Variants in MYCBP2 observed in about 807,000 individuals in gnomAD.
The protein encoded by MYCBP2 is E3 ubiquitin-protein ligase MYCBP2.
MYCBP2 carries 120 observed loss-of-function variants against 525.3 expected under a neutral mutation model. The observed-to-expected ratio is 0.23, with a 90% CI of 0.20 to 0.27. The LOEUF is 0.27. Among genes scored for constraint, MYCBP2 ranks in the 10% least tolerant of loss-of-function variants. The pLI, the probability that MYCBP2 is intolerant of heterozygous loss-of-function variation, is 1.00. For missense variants in MYCBP2, 4,149 were observed against 5,657.1 expected (o/e 0.73, Z 8.55); for synonymous variants, 1,894 against 1,955.8 (o/e 0.97, Z 0.83).
intron 52 of MYCBP2, among the ~76,000 whole-genome samples, chr13:77,134,650 C>T (rs1336705689): frequency 6.6e-6 from 1 of 151,658 alleles, no homozygotes; most frequent in East Asian, 1.9e-4. Flanking sequence ...GAATGCCTCA[C>T]AGAGGATCTG....
intron 39 of MYCBP2, among the ~76,000 whole-genome samples, chr13:77,169,310 G>C (rs907163882): frequency 1.3e-5 from 2 of 151,540 alleles, no homozygotes; most frequent in African/African-American, 4.8e-5. Flanking sequence ...GCAGGAGAAT[G>C]GCGTGAACCC....
intron 1 of MYCBP2, among the ~76,000 whole-genome samples, chr13:77,323,425 C>G (rs2154384066): frequency 6.6e-6 from 1 of 152,280 alleles, no homozygotes. Context: ...CATTTCAAGG[C>G]CTTTATAAAT....
intron 14 of MYCBP2, 102 bp from the exon 15 acceptor site, chr13:77,251,457 A>T (rs1278398909): frequency 1.1e-6 from 1 of 930,530 alleles, no homozygotes; most frequent in Non-Finnish European, 1.7e-6. Flanking sequence ...ATGCTAATCC[A>T]AGCAATTATA....
At position 77,199,158 on chromosome 13, in the gene MYCBP2, C is replaced by G. The variant is rs547627651; in HGVS notation, c.3844-4914G>C. 7.9e-5 allele frequency among the ~76,000 whole-genome samples: 12 copies of G among 152,344 alleles called. No individual in the cohort carries two copies. The East Asian group carries it at 1.9e-3, about 24-fold the overall frequency. ...GTTCATCTCACTAGGGAGTGCCAGA[C>G]AGTGGGAGCAGGACAGTGGGTGTGC... On this transcript the variant is annotated intron_variant, in intron 26 of 82. Transcript: ENST00000544440.
chr13:77,301,906 A>G (rs1175138501), intron 1 of MYCBP2, among the ~76,000 whole-genome samples: 2 of 152,186 alleles, frequency 1.3e-5, no homozygotes, highest in South Asian at 2.1e-4. Flanking sequence ...ATCTGAAATT[A>G]AGAACTTCTC....
At chr13:77,202,434 G>T (rs533218130) in intron 26 of MYCBP2, among the ~76,000 whole-genome samples, 1 of 152,190 alleles carries the variant, frequency 6.6e-6, no homozygotes, top group East Asian at 1.9e-4. Flanking sequence ...TCCAGGACCA[G>T]ATGGATTCAC....
intron 17 of MYCBP2, among the ~76,000 whole-genome samples, chr13:77,235,896 G>T (rs1031846993): frequency 6.6e-6 from 1 of 151,968 alleles, no homozygotes; most frequent in African/African-American, 2.4e-5. Context: ...TAAAGGTTCA[G>T]AGGTAGGGGA....
chr13:77,288,460 A>T, intron 2 of MYCBP2, 84 bp from the exon 3 acceptor site: 1 of 1,159,134 alleles, frequency 8.6e-7, no homozygotes, highest in Non-Finnish European at 1.2e-6. Flanking sequence ...GATTAGACAC[A>T]CTAACTGACT....
Position 77,098,686 on chromosome 13 carries a change from T to C in MYCBP2, c.8468A>G (p.Lys2823Arg). ...CCTATTGGCTGGGAGAGTCTTTGGC[T>C]TAGGAGATGACAACCGAGAACCTGG... is the stretch of plus-strand genomic sequence containing the variant. Reference protein sequence around the residue: ...PGPGSRLSSPKPKTLPANRSS... With the variant: ...PGPGSRLSSPRPKTLPANRSS... The change falls in exon 56 of 83, where the codon AAG becomes AGG. Residue 2823 changes from lysine (K) to arginine (R), a missense_variant. Transcript: ENST00000544440. 6.2e-7 allele frequency: 1 copy of C among 1,613,484 alleles called. No individual in the cohort carries two copies. The highest frequency in any genetic ancestry group is 1.7e-5 in the Admixed American group (1 of 59,894).
Position 77,150,805 on chromosome 13 carries a change from G to C in MYCBP2, c.7060C>G (p.Pro2354Ala). ...TDMTYGGLAS[P>A]KLDVSYEPMI... ...GGTTCATATGAAACATCTAGCTTTG[G>C]TGATGCCAGCCCTCCATAAGTCATG... The change falls in exon 47 of 83, where the codon CCA becomes GCA. Residue 2354 changes from proline to alanine, a missense_variant. Pro to Ala is a conservative substitution (Grantham distance 27). Around this residue, in one of 21 missense-constraint regions of MYCBP2, gnomAD observed 692 missense variants for 852.7 expected, o/e 0.81. Transcript: ENST00000544440. 6.8e-6 allele frequency: 11 copies of C among 1,614,094 alleles called. No individual in the cohort carries two copies. The highest frequency in any genetic ancestry group is 1.1e-5 in the South Asian group (1 of 91,074).
At chr13:77,084,522 G>A (rs762704913) in intron 62 of MYCBP2, among the ~76,000 whole-genome samples, 2 of 152,086 alleles carry the variant, frequency 1.3e-5, no homozygotes, top group South Asian at 2.1e-4. Flanking sequence ...TTCCATCAAG[G>A]CTTGGCATTC....
chr13:77,206,471 T>G (rs891970493), intron 24 of MYCBP2, among the ~76,000 whole-genome samples, 182 bp downstream of exon 24: 3 of 152,064 alleles, frequency 2.0e-5, no homozygotes, highest in Non-Finnish European at 4.4e-5. Flanking sequence ...TTTGATAGTG[T>G]TAGTACAGGT....
chr13:77,307,243 T>C (rs1196194335), intron 1 of MYCBP2, among the ~76,000 whole-genome samples: 1 of 152,156 alleles, frequency 6.6e-6, no homozygotes, highest in African/African-American at 2.4e-5. Flanking sequence ...CCAGATCCCA[T>C]TTCATTCACC....
intron 20 of MYCBP2, 85 bp downstream of exon 20, chr13:77,224,366 A>T: frequency 1.2e-6 from 1 of 855,656 alleles, no homozygotes; most frequent in Non-Finnish European, 1.9e-6. Flanking sequence ...ATATATACTT[A>T]AAAAGAGAAA....
chr13:77,055,150 A>G (rs543515976), intron 80 of MYCBP2, among the ~76,000 whole-genome samples: 1 of 139,184 alleles, frequency 7.2e-6, no homozygotes, highest in African/African-American at 2.5e-5. Context: ...AAAAAAGAAG[A>G]AGTAGTTAAA....
chr13:77,102,484 G>T (rs1007827628), intron 55 of MYCBP2, among the ~76,000 whole-genome samples: 1 of 151,304 alleles, frequency 6.6e-6, no homozygotes, highest in Admixed American at 6.6e-5. Context: ...GATTTTAAAA[G>T]ATTTACAAGA....
intron 26 of MYCBP2, among the ~76,000 whole-genome samples, chr13:77,202,090 A>C (rs1182229799): frequency 6.6e-6 from 1 of 152,236 alleles, no homozygotes; most frequent in Non-Finnish European, 1.5e-5. Flanking sequence ...CAAAAAATTA[A>C]TGAATCCAGG....
At chr13:77,146,626 A>G (rs2055620243) in intron 47 of MYCBP2, among the ~76,000 whole-genome samples, 1 of 152,204 alleles carries the variant, frequency 6.6e-6, no homozygotes, top group African/African-American at 2.4e-5. Context: ...ACAAAAAAAG[A>G]CAGTCAAGAC....
At chr13:77,300,924 G>C (rs915856188) in intron 1 of MYCBP2, among the ~76,000 whole-genome samples, 11 of 152,190 alleles carry the variant, frequency 7.2e-5, no homozygotes, top group African/African-American at 2.7e-4. Context: ...TAACTGCAGA[G>C]CTTGGGCATG....
Sources: allele counts gnomAD v4.1 joint callset (sites outside exome capture counted in the v4.1 genomes callset), GRCh38; gene constraint gnomAD v4.1.1; regional missense constraint gnomAD v4.1.1; transcripts MANE v1.5; gene names NCBI Gene and HGNC (gene_info 2026-07-23, HGNC 2026-07-21).